The following ATXN8OS variants were observed in gnomAD, a reference collection of about 807,000 sequenced individuals.
ATXN8OS encodes the protein ATXN8 opposite strand (non-protein coding).
At chr13:70,128,527 T>C (rs547589954) in intron 2 of ATXN8OS, among the ~76,000 whole-genome samples, 20 of 149,946 alleles carry the variant, frequency 1.3e-4, no homozygotes, top group Non-Finnish European at 2.2e-4. Context: ...TGAGCTTCTA[T>C]TGACTTGAGC....
At chr13:70,147,582 A>G (rs1266330408) in intron 4 of ATXN8OS, among the ~76,000 whole-genome samples, 2 of 152,176 alleles carry the variant, frequency 1.3e-5, no homozygotes, top group Non-Finnish European at 2.9e-5. Flanking sequence ...AATTACCTGA[A>G]TCAAATTGAT....
chr13:70,132,121 C>G (rs996960633), intron 3 of ATXN8OS, among the ~76,000 whole-genome samples: 1 of 151,944 alleles, frequency 6.6e-6, no homozygotes, highest in Middle Eastern at 3.2e-3. Flanking sequence ...ATTGAAAATA[C>G]TTAGGGACAT....
intron 1 of ATXN8OS, among the ~76,000 whole-genome samples, chr13:70,111,466 T>C (rs1461401114): frequency 6.6e-6 from 1 of 152,188 alleles, no homozygotes; most frequent in African/African-American, 2.4e-5. Flanking sequence ...AAGCATGCTG[T>C]CTCAGGTCCC....
intron 3 of ATXN8OS, among the ~76,000 whole-genome samples, chr13:70,140,902 G>A (rs1888705510): frequency 6.6e-6 from 1 of 152,136 alleles, no homozygotes; most frequent in Admixed American, 6.5e-5. Flanking sequence ...GGTCAGTAGA[G>A]ACAAGGCTAT....
intron 2 of ATXN8OS, among the ~76,000 whole-genome samples, chr13:70,121,875 G>A (rs1019079321): frequency 6.6e-6 from 1 of 151,954 alleles, no homozygotes; most frequent in African/African-American, 2.4e-5. Flanking sequence ...GCAATTAATC[G>A]GGTCAGGAAA....
intron 3 of ATXN8OS, among the ~76,000 whole-genome samples, chr13:70,145,705 T>C (rs936455971): frequency 8.7e-4 from 133 of 152,272 alleles, no homozygotes; most frequent in Middle Eastern, 3.4e-3. Flanking sequence ...TGATTTTGTA[T>C]CCTGAGACTT....
chr13:70,137,928 T>G (rs965372744), intron 3 of ATXN8OS, among the ~76,000 whole-genome samples: 1 of 152,054 alleles, frequency 6.6e-6, no homozygotes, highest in African/African-American at 2.4e-5. Context: ...AGACAGAAAG[T>G]GAAGGGGAAG....
rs184349574 is a variant in ATXN8OS at position 70,122,834 on chromosome 13, A to G, written n.399-6950A>G. On this transcript the variant is annotated intron_variant and non_coding_transcript_variant, in intron 2 of 4. Transcript: ENST00000678624. ...GAGAGGAATATTATAAAAATCTACC[A>G]AAATCTGAAAATGATACAGATAGAT... Among the ~76,000 whole-genome samples, 416 of 152,094 alleles carry G rather than the reference A, an allele frequency of 2.7e-3. 1 individual carries two copies. Among genetic ancestry groups the G allele is most frequent in the African/African-American group, 9.7e-3 (401 of 41,542 alleles).
chr13:70,143,395 A>C (rs1486729048), intron 3 of ATXN8OS, among the ~76,000 whole-genome samples: 1 of 152,140 alleles, frequency 6.6e-6, no homozygotes, highest in Admixed American at 6.6e-5. Flanking sequence ...TAAATCTAAA[A>C]AAAAATGGTA....
intron 2 of ATXN8OS, among the ~76,000 whole-genome samples, chr13:70,127,126 C>T (rs1026831476): frequency 6.6e-6 from 1 of 151,790 alleles, no homozygotes; most frequent in African/African-American, 2.4e-5. Context: ...AAATCAAAAA[C>T]TGTAAATAAA....
In ATXN8OS at chr13:70,162,046, AAG is replaced by A. The variant is rs1203359015; in HGVS notation, n.574-7704_574-7703del. ...GTAGAGTAAGAGAAGGAGAAGAAAAAAGAGGAAAAGAAGAAAGGGAGATGGTA... is the reference window on the plus strand; with the variant it reads ...GTAGAGTAAGAGAAGGAGAAGAAAAAAGGAAAAGAAGAAAGGGAGATGGTA... On this transcript the variant is annotated intron_variant and non_coding_transcript_variant, in intron 4 of 4. Coordinates refer to ENST00000678624, the Ensembl canonical transcript of ATXN8OS. Among the ~76,000 whole-genome samples, 4 of 152,152 alleles carry A rather than the reference AAG, an allele frequency of 2.6e-5. No individual in the cohort carries two copies. The East Asian group carries it at 7.7e-4, about 29-fold the overall frequency.
intron 2 of ATXN8OS, among the ~76,000 whole-genome samples, chr13:70,118,732 G>A (rs1467889802): frequency 1.3e-5 from 2 of 151,842 alleles, no homozygotes; most frequent in Non-Finnish European, 2.9e-5. Context: ...CTCTGATTTT[G>A]TAGATTCCTG....
At chr13:70,107,703 T>C (rs1213045577), upstream of ATXN8OS, 2 of 1,516,550 alleles carry the variant, frequency 1.3e-6, no homozygotes, top group Non-Finnish European at 8.8e-7. Context: ...CTGACATGCT[T>C]TACGCACAGA....
At chr13:70,163,793 A>G (rs1889038753) in intron 4 of ATXN8OS, among the ~76,000 whole-genome samples, 1 of 151,638 alleles carries the variant, frequency 6.6e-6, no homozygotes, top group Non-Finnish European at 1.5e-5. Context: ...TTTCTAAATG[A>G]AATATCTTTG....
At chr13:70,117,758 C>T (rs758660065) in intron 2 of ATXN8OS, among the ~76,000 whole-genome samples, 4 of 151,934 alleles carry the variant, frequency 2.6e-5, no homozygotes, top group Non-Finnish European at 5.9e-5. Context: ...AAAATAAAAC[C>T]TGTTAAACAA....
chr13:70,115,440 G>C (rs1312242511), intron 2 of ATXN8OS: 6 of 394,874 alleles, frequency 1.5e-5, no homozygotes, highest in Non-Finnish European at 2.7e-5. Flanking sequence ...AATAAGTTCA[G>C]ACCACAGCAG....
intron 1 of ATXN8OS, among the ~76,000 whole-genome samples, chr13:70,112,934 T>TTTA (rs1461961768): frequency 7.1e-6 from 1 of 141,514 alleles, no homozygotes; most frequent in Admixed American, 7.1e-5. Flanking sequence ...TTTTTTTTTT[T>TTTA]TTTTTTGAGA....
At chr13:70,167,838 C>T (rs530700396) in intron 4 of ATXN8OS, among the ~76,000 whole-genome samples, 2 of 148,198 alleles carry the variant, frequency 1.3e-5, no homozygotes, top group African/African-American at 5.0e-5. Flanking sequence ...TGGGTTCACG[C>T]CATTCTCCCA....
At chr13:70,147,262 T>A (rs1888798884) in intron 3 of ATXN8OS, among the ~76,000 whole-genome samples, 1 of 152,154 alleles carries the variant, frequency 6.6e-6, no homozygotes, top group African/African-American at 2.4e-5. Flanking sequence ...AAACTTCCCA[T>A]GATGTGAATT....
Sources: allele counts gnomAD v4.1 joint callset (sites outside exome capture counted in the v4.1 genomes callset), GRCh38; gene constraint gnomAD v4.1.1; transcripts MANE v1.5; gene names NCBI Gene and HGNC (gene_info 2026-07-23, HGNC 2026-07-21).